ZNF326: variants seen among roughly 807,000 people sequenced by gnomAD.
ZNF326 encodes the protein zinc finger protein 326.
In ZNF326, 30 loss-of-function variants were observed where a neutral mutation model predicts 63.1. The ratio of observed to expected loss-of-function variants is 0.48; its 90% CI spans 0.36 to 0.64. ZNF326 has a LOEUF of 0.64. Ranked by LOEUF, ZNF326 falls within the 30% of genes least tolerant of loss-of-function variation. The pLI is 0.00. For synonymous variants in ZNF326, 194 were observed against 228.2 expected (o/e 0.85, Z 1.35); for missense variants, 609 against 720.3 (o/e 0.85, Z 1.77).
intron 2 of ZNF326, among the ~76,000 whole-genome samples, chr1:89,999,973 A>C (rs1199915953): frequency 6.6e-6 from 1 of 152,236 alleles, no homozygotes; most frequent in Admixed American, 6.5e-5. Context: ...AATTTAGTCC[A>C]CAGGGGAAAA....
Position 90,030,754 on chromosome 1 carries a change from C to T in ZNF326, c.*3053C>T, listed in dbSNP as rs1417831564. ...GATCATGGCTTACTGCAGCTTTGAC[C>T]TCCTGGGCTCAAGCGGTCGTCCCGC... On this transcript the variant is annotated 3_prime_UTR_variant, in exon 12 of 12. Transcript: ENST00000340281. 6.6e-6 allele frequency: 1 copy of T among 151,910 alleles called. No homozygotes were observed. Among genetic ancestry groups the T allele is most frequent in the Non-Finnish European group, 1.5e-5 (1 of 68,032 alleles). 9.4% of individuals were successfully genotyped at this position (151,910 alleles called of 1,614,324 possible).
chr1:90,017,035 A>G (rs1375301839), intron 7 of ZNF326, among the ~76,000 whole-genome samples: 1 of 152,188 alleles, frequency 6.6e-6, no homozygotes. Context: ...TGCCTTTTTA[A>G]TTGGTCCAGG....
At chr1:90,002,232 G>T (rs895324210) in intron 2 of ZNF326, among the ~76,000 whole-genome samples, 3 of 152,098 alleles carry the variant, frequency 2.0e-5, no homozygotes, top group Non-Finnish European at 4.4e-5. Context: ...CAATCAAACA[G>T]AATCATTGCT....
Position 90,013,244 on chromosome 1 carries a change from AC to A in ZNF326, c.926+8del, listed in dbSNP as rs774107826. ...AATACGGAGATGGATACAGGTTTGT[AC>A]TTAGAGTCAGAAAATTAGGTTCATT... is the stretch of plus-strand genomic sequence containing the variant. On this transcript the variant is annotated splice_region_variant and intron_variant, in intron 7 of 11. Transcript: ENST00000340281. 6.5e-7 allele frequency: 1 copy of A among 1,537,074 alleles called. No homozygotes were observed. The highest frequency in any genetic ancestry group is 2.3e-5 in the East Asian group (1 of 43,202).
chr1:90,013,300 C>A, intron 7 of ZNF326, 63 bp downstream of exon 7: 2 of 1,232,298 alleles, frequency 1.6e-6, no homozygotes, highest in African/African-American at 1.5e-5. Context: ...AAAGCCAACA[C>A]ATCAATTGTA....
In ZNF326 at chr1:90,032,981, GCTGT is replaced by G. The variant is rs1557538210; in HGVS notation, c.*5283_*5286del. The G allele has an allele frequency of 2.0e-5, 3 of 151,980 alleles. No homozygotes were observed. The highest frequency in any genetic ancestry group is 4.8e-5 in the African/African-American group (2 of 41,368). The allele number at this position is 151,980 out of a possible 1,614,324, so 9.4% of individuals were successfully genotyped here. ...CAAGCACACAAAGAAAAATCTGCCAGCTGTCTATTTCCCAATTTTCCTTCTGACT... is the reference window on the plus strand; with the variant it reads ...CAAGCACACAAAGAAAAATCTGCCAGCTATTTCCCAATTTTCCTTCTGACT... On this transcript the variant is annotated 3_prime_UTR_variant, in exon 12 of 12. Coordinates refer to ENST00000340281, the MANE Select transcript of ZNF326 (RefSeq NM_182976.4).
rs1478484805 is a variant in ZNF326 at position 90,034,943 on chromosome 1, C to T, written c.*7242C>T. 6.6e-6 allele frequency: 1 copy of T among 152,070 alleles called. No individual in the cohort carries two copies. The highest frequency in any genetic ancestry group is 2.4e-5 in the African/African-American group (1 of 41,400). The allele number at this position is 152,070 out of a possible 1,614,324, so 9.4% of individuals were successfully genotyped here. ...AGTAGGGTTTATCTGAAAACTGCAA[C>T]ATGACGATTATGTAACTCAATCCTT... is the stretch of plus-strand genomic sequence containing the variant. On this transcript the variant is annotated 3_prime_UTR_variant, in exon 12 of 12. Transcript: ENST00000340281.
intron 1 of ZNF326, among the ~76,000 whole-genome samples, chr1:89,996,739 GA>G (rs371387353): frequency 1.8e-4 from 23 of 125,154 alleles, no homozygotes; most frequent in Non-Finnish European, 1.6e-4. Flanking sequence ...AACTTCGTCT[GA>G]AAAAAAAAAA....
At chr1:90,024,788 A>G (rs1649934748) in intron 11 of ZNF326, among the ~76,000 whole-genome samples, 1 of 151,922 alleles carries the variant, frequency 6.6e-6, no homozygotes, top group South Asian at 2.1e-4. Flanking sequence ...GCCACTTCCC[A>G]TATGCTTATT....
At chr1:90,008,152 TTTG>T (rs1314165046) in intron 5 of ZNF326, among the ~76,000 whole-genome samples, 25 of 152,370 alleles carry the variant, frequency 1.6e-4, no homozygotes, top group African/African-American at 6.0e-4. Flanking sequence ...ATGTTTATAC[TTTG>T]TGGCTAAACT....
At chr1:90,017,615 C>T (rs1220582126) in intron 8 of ZNF326, 151 bp downstream of exon 8, 3 of 672,872 alleles carry the variant, frequency 4.5e-6, no homozygotes, top group Admixed American at 3.9e-5. Context: ...CTCAGAATTA[C>T]TTGTGAATTC....
chr1:90,007,405 A>G lies in ZNF326; in HGVS notation c.270A>G (p.Arg90=). Residue 90 remains arginine (R), a synonymous_variant, in exon 5 of 12, where the codon AGA becomes AGG. Coordinates refer to ENST00000340281, the MANE Select transcript of ZNF326 (RefSeq NM_182976.4). This position sits in a 1 kb window ranked among gnomAD's most constrained non-coding sequence, Gnocchi z 4.9. ...CTCTGGGTGGGCGAGATCTGTACAGATCTGGCTATGGTTTTAATGAACCCG... is the reference window on the plus strand; with the variant it reads ...CTCTGGGTGGGCGAGATCTGTACAGGTCTGGCTATGGTTTTAATGAACCCG... ...RSSLGGRDLY[R]SGYGFNEPEQ... The G allele has an allele frequency of 6.2e-7, 1 of 1,613,952 alleles. No individual in the cohort carries two copies.
rs534538657 is a variant in ZNF326, at chr1:90,002,054, T to C, written c.62-2949T>C. ...TCATTTAAGATATACTACTATGTTC[T>C]CATGGTTTTATTTTTAAAAGTGATT... On this transcript the variant is annotated intron_variant, in intron 2 of 11. Coordinates refer to ENST00000340281, the MANE Select transcript of ZNF326 (RefSeq NM_182976.4). 1.2e-3 allele frequency among the ~76,000 whole-genome samples: 180 copies of C among 152,330 alleles called. 1 individual carries two copies. Among genetic ancestry groups the C allele is most frequent in the African/African-American group, 4.1e-3 (170 of 41,568 alleles).
At chr1:90,010,442 T>A (rs1649182961) in intron 6 of ZNF326, among the ~76,000 whole-genome samples, 156 bp downstream of exon 6, 1 of 152,210 alleles carries the variant, frequency 6.6e-6, no homozygotes. Context: ...AGTTAATAAT[T>A]GGTCATGAAT....
rs1648269732 is a variant in ZNF326, at chr1:89,995,126, G to A, written c.-132G>A. The A allele has an allele frequency of 3.5e-6, 4 of 1,159,372 alleles. No individual in the cohort carries two copies. In the South Asian group the frequency reaches 5.8e-5, roughly 17 times the overall value. The allele number at this position is 1,159,372 out of a possible 1,614,324, so 71.8% of individuals were successfully genotyped here. On this transcript the variant is annotated 5_prime_UTR_variant, in exon 1 of 12. Coordinates refer to ENST00000340281, the MANE Select transcript of ZNF326 (RefSeq NM_182976.4). ...CGCCTCCCCAGCCTCGCTGTGGCCT[G>A]CGGCTCCCGGGCTGGTAGCGCGCCG...
rs1648897114 is a variant in ZNF326 at position 90,004,900 on chromosome 1, T to C, written c.62-103T>C. Reference sequence around the variant, plus strand: ...GTGAATTTAGTTTAAATGTTAATGGTAAATTATCTCAGGTGATAGATAGGA... The same window carrying C: ...GTGAATTTAGTTTAAATGTTAATGGCAAATTATCTCAGGTGATAGATAGGA... On this transcript the variant is annotated intron_variant, in intron 2 of 11. Coordinates refer to ENST00000340281, the MANE Select transcript of ZNF326 (RefSeq NM_182976.4). The C allele has an allele frequency of 3.2e-6, 3 of 933,392 alleles. No individual in the cohort carries two copies. In the Admixed American group the frequency reaches 7.2e-5, roughly 22 times the overall value. The allele number at this position is 933,392 out of a possible 1,614,324, so 57.8% of individuals were successfully genotyped here.
At position 90,020,853 on chromosome 1, in the gene ZNF326, T is replaced by G. The variant is rs2816881; in HGVS notation, c.1236T>G (p.Val412=). The change falls in exon 10 of 12, where the codon GTT becomes GTG. Residue 412 remains valine, a synonymous_variant. Transcript: ENST00000340281. ...VETVHCSACS[V]YIPALHSSVQ... ...CAGTTCATTGCAGCGCTTGCAGTGT[T>G]TATATCCCTGCTTTACATAGTTCAG... is the stretch of plus-strand genomic sequence containing the variant. 0.59 allele frequency: 955,998 copies of G among 1,612,138 alleles called. 288,095 individuals are homozygous for G. The highest frequency in any genetic ancestry group is 0.92 in the East Asian group (41,161 of 44,800).
At chr1:90,000,748 A>G (rs546814242) in intron 2 of ZNF326, among the ~76,000 whole-genome samples, 1 of 152,304 alleles carries the variant, frequency 6.6e-6, no homozygotes, top group East Asian at 1.9e-4. Context: ...CAATCTTAAG[A>G]CAAGGTTAGA....
chr1:90,011,525 T>G (rs1649233524), intron 6 of ZNF326, among the ~76,000 whole-genome samples: 2 of 151,276 alleles, frequency 1.3e-5, no homozygotes, highest in African/African-American at 4.8e-5. Context: ...AGTTTTTTTT[T>G]TTTTTTTTTT....
Sources: gnomAD v4.1 joint callset for allele counts (sites outside exome capture counted in the v4.1 genomes callset) on GRCh38, gnomAD v4.1.1 for gene constraint, Gnocchi (gnomAD v3.1) non-coding constraint, MANE v1.5 for transcripts, NCBI Gene and HGNC (gene_info 2026-07-23, HGNC 2026-07-21) for gene names.